AMZ1: variants seen among roughly 807,000 people sequenced by gnomAD.
The protein encoded by AMZ1 is archaemetzincin-1.
In AMZ1, 39 loss-of-function variants were observed where a neutral mutation model predicts 29.9. The observed-to-expected ratio is 1.30, with a 90% CI of 1.01 to 1.70. The LOEUF (loss-of-function observed/expected upper bound fraction) is 1.70. AMZ1 is among the 40% of genes most tolerant of loss of function. AMZ1 has a pLI of 0.00. For synonymous variants in AMZ1, 458 were observed against 304.0 expected, an observed-to-expected ratio of 1.51 and a Z score of -5.27; for missense variants, 1,041 against 680.6, an observed-to-expected ratio of 1.53 and a Z score of -5.89.
intron 5 of AMZ1, 89 bp from the exon 6 acceptor site, chr7:2,709,551 C>G (rs1377837763): frequency 2.4e-5 from 36 of 1,520,760 alleles, no homozygotes; most frequent in Non-Finnish European, 2.2e-5. Context: ...CACCCAGGTC[C>G]TCATTTTGGT....
rs535803624 is a variant in AMZ1 at position 2,741,223 on chromosome 7, C to T, written n.551-23489C>T. ...AGCACCTAGACTAGGTGTGGCGGCA[C>T]GCACACCTGTGGTCTCAGCTACCTG... is the stretch of plus-strand genomic sequence containing the variant. On this transcript the variant is annotated intron_variant and non_coding_transcript_variant, in intron 4 of 4. Transcript: ENST00000489665. 1.3e-4 allele frequency among the ~76,000 whole-genome samples: 20 copies of T among 152,220 alleles called. No homozygotes were observed. In the South Asian group the frequency reaches 1.5e-3, roughly 11 times the overall value.
At chr7:2,701,624 G>T (rs564348939) in intron 2 of AMZ1, among the ~76,000 whole-genome samples, 13 of 152,364 alleles carry the variant, frequency 8.5e-5, no homozygotes, top group Admixed American at 8.5e-4. Context: ...GCCAAGAGCA[G>T]CCTGGCAGAG....
chr7:2,709,870 G>A (rs1287531096), intron 6 of AMZ1, 54 bp downstream of exon 6: 6 of 1,589,912 alleles, frequency 3.8e-6, no homozygotes, highest in South Asian at 1.1e-5. Flanking sequence ...CCGGAGGCCC[G>A]CGAGCGCCGC....
At chr7:2,692,129 G>A (rs987236797) in intron 1 of AMZ1, among the ~76,000 whole-genome samples, 6 of 152,192 alleles carry the variant, frequency 3.9e-5, no homozygotes, top group Non-Finnish European at 8.8e-5. Context: ...CTCCTGTGGC[G>A]TCGGGTGCTC....
At chr7:2,742,771 G>A (rs1344681411) in intron 4 of AMZ1, among the ~76,000 whole-genome samples, 1 of 152,142 alleles carries the variant, frequency 6.6e-6, no homozygotes, top group East Asian at 1.9e-4. Flanking sequence ...TTATTCTCAG[G>A]TATGTAATCT....
intron 4 of AMZ1, among the ~76,000 whole-genome samples, chr7:2,733,033 G>C (rs964217858): frequency 1.3e-5 from 2 of 152,200 alleles, no homozygotes; most frequent in Non-Finnish European, 2.9e-5. Context: ...TTTTCGTCTT[G>C]TCTTTTTGAG....
intron 4 of AMZ1, among the ~76,000 whole-genome samples, chr7:2,733,790 G>C (rs754874078): frequency 6.6e-6 from 1 of 152,196 alleles, no homozygotes; most frequent in African/African-American, 2.4e-5. Context: ...CCCTCTGATG[G>C]GGGACTCTCT....
chr7:2,749,963 A>G (rs79078415), intron 4 of AMZ1, among the ~76,000 whole-genome samples: 150 of 152,350 alleles, frequency 9.8e-4, no homozygotes, highest in Non-Finnish European at 1.7e-3. Context: ...GAAGAGAACA[A>G]AGAGAGTGGG....
chr7:2,710,278 C>T lies in AMZ1; in HGVS notation c.948+462C>T, dbSNP rs78511583. On this transcript the variant is annotated intron_variant, in intron 6 of 6. Transcript: ENST00000683327. ...GGCCTCCATTCCTAACTCCCTCTGT[C>T]GCCTGGGTGGGGTTGCCGAGCAAAG... 8.6e-3 allele frequency among the ~76,000 whole-genome samples: 1,310 copies of T among 152,324 alleles called. 21 individuals are homozygous for T. Among genetic ancestry groups the T allele is most frequent in the African/African-American group, 0.03 (1,245 of 41,572 alleles).
At chr7:2,761,014 G>A (rs1399641519), upstream of AMZ1, among the ~76,000 whole-genome samples, 1 of 152,174 alleles carries the variant, frequency 6.6e-6, no homozygotes, top group African/African-American at 2.4e-5. Context: ...GGTAGTTTTG[G>A]GACAGCATGT....
chr7:2,736,749 T>C (rs1790200568), intron 4 of AMZ1, among the ~76,000 whole-genome samples: 1 of 152,238 alleles, frequency 6.6e-6, no homozygotes, highest in African/African-American at 2.4e-5. Context: ...CACGCTCGGC[T>C]TGCTGCCGCT....
At chr7:2,761,934 G>A (rs1178068905), upstream of AMZ1, among the ~76,000 whole-genome samples, 3 of 152,154 alleles carry the variant, frequency 2.0e-5, no homozygotes, top group African/African-American at 4.8e-5. Flanking sequence ...CAAATGTAAG[G>A]GAAAAATGTG....
At chr7:2,700,828 G>A in intron 2 of AMZ1, 73 bp downstream of exon 2, 1 of 1,536,202 alleles carries the variant, frequency 6.5e-7, no homozygotes. Flanking sequence ...GGGGATGTCT[G>A]TGCATAGCCC....
chr7:2,718,862 C>T lies in AMZ1; in HGVS notation c.*5984C>T, dbSNP rs910888747. Reference sequence around the variant, plus strand: ...GGGAACAGGGGAGTCACAGAAACCACGGGAAACGGAGTGGGTTGGAAGAGG... The same window carrying T: ...GGGAACAGGGGAGTCACAGAAACCATGGGAAACGGAGTGGGTTGGAAGAGG... On this transcript the variant is annotated 3_prime_UTR_variant, in exon 7 of 7. Coordinates refer to ENST00000683327, the MANE Select transcript of AMZ1 (RefSeq NM_001384743.1). 3.3e-5 allele frequency among the ~76,000 whole-genome samples: 5 copies of T among 152,236 alleles called. No homozygotes were observed. The highest frequency in any genetic ancestry group is 4.4e-5 in the Non-Finnish European group (3 of 68,008).
At chr7:2,701,867 C>G (rs1039497601) in intron 2 of AMZ1, among the ~76,000 whole-genome samples, 3 of 152,224 alleles carry the variant, frequency 2.0e-5, no homozygotes, top group African/African-American at 7.2e-5. Flanking sequence ...ATCCACCACC[C>G]CACAGCAGCC....
rs528486722 is a variant in AMZ1 at position 2,719,467 on chromosome 7, C to T, written c.*6589C>T. Among the ~76,000 whole-genome samples the T allele has an allele frequency of 1.4e-4, 22 of 152,310 alleles. No individual in the cohort carries two copies. Among genetic ancestry groups the T allele is most frequent in the African/African-American group, 5.3e-4 (22 of 41,562 alleles). On this transcript the variant is annotated 3_prime_UTR_variant, in exon 7 of 7. Coordinates refer to ENST00000683327, the MANE Select transcript of AMZ1 (RefSeq NM_001384743.1). Reference sequence around the variant, plus strand: ...CCACAATAGCCTCTCCCAACGGGAACGACTTAGCCCTAATTACATGAGCTT... The same window carrying T: ...CCACAATAGCCTCTCCCAACGGGAATGACTTAGCCCTAATTACATGAGCTT...
chr7:2,741,312 G>A (rs968850059), intron 4 of AMZ1, among the ~76,000 whole-genome samples: 1 of 151,994 alleles, frequency 6.6e-6, no homozygotes, highest in Admixed American at 6.5e-5. Flanking sequence ...CCATGATTGC[G>A]CCACTGCACT....
chr7:2,725,820 A>G (rs1022367064), intron 4 of AMZ1, among the ~76,000 whole-genome samples: 3 of 152,242 alleles, frequency 2.0e-5, no homozygotes, highest in Admixed American at 6.5e-5. Context: ...CAAAACGATC[A>G]CGAGATTGAA....
intron 4 of AMZ1, among the ~76,000 whole-genome samples, chr7:2,748,844 G>GTT (rs1562403543): frequency 5.9e-5 from 9 of 152,058 alleles, no homozygotes; most frequent in Non-Finnish European, 1.2e-4. Flanking sequence ...TCAAAAAGTG[G>GTT]GCAAAGGACA....
Sources: allele counts gnomAD v4.1 joint callset (sites outside exome capture counted in the v4.1 genomes callset), GRCh38; gene constraint gnomAD v4.1.1; transcripts MANE v1.5; gene names NCBI Gene and HGNC (gene_info 2026-07-23, HGNC 2026-07-21).